Variants in WNT7B observed in about 807,000 individuals in gnomAD.
WNT7B encodes Wnt family member 7B.
A neutral mutation model predicts 38.2 loss-of-function variants in WNT7B; 19 were observed. The ratio of observed to expected loss-of-function variants is 0.50; its 90% confidence interval spans 0.35 to 0.73. The LOEUF (loss-of-function observed/expected upper bound fraction) is 0.73. Ranked by LOEUF, WNT7B falls within the 30% of genes least tolerant of loss-of-function variation. The pLI is 0.01. For synonymous variants in WNT7B, 243 were observed against 209.3 expected, an observed-to-expected ratio of 1.16 and a Z score of -1.39; for missense variants, 423 against 507.9, an observed-to-expected ratio of 0.83 and a Z score of 1.61.
intron 1 of WNT7B, among the ~76,000 whole-genome samples, chr22:45,957,704 A>AAAAAAAC (rs1932103724): frequency 1.4e-5 from 2 of 147,758 alleles, no homozygotes; most frequent in Admixed American, 6.7e-5. Flanking sequence ...AAAAAAAAAA[A>AAAAAAAC]AAAAAAAACA....
intron 1 of WNT7B, among the ~76,000 whole-genome samples, chr22:45,959,219 G>C (rs540718509): frequency 7.3e-4 from 111 of 152,354 alleles, no homozygotes; most frequent in African/African-American, 1.9e-3. Flanking sequence ...ACCCTCAGCA[G>C]GGCTGGGGCT....
At chr22:45,935,451 G>T (rs535529174) in intron 2 of WNT7B, among the ~76,000 whole-genome samples, 2 of 152,302 alleles carry the variant, frequency 1.3e-5, no homozygotes, top group South Asian at 4.1e-4. Flanking sequence ...GCTTCCTGCC[G>T]CCTGCCCTGG....
chr22:45,929,324 G>A (rs1326705758), intron 3 of WNT7B, among the ~76,000 whole-genome samples: 1 of 152,008 alleles, frequency 6.6e-6, no homozygotes, highest in East Asian at 1.9e-4. Flanking sequence ...TGAGTTCCTT[G>A]GAGGCAAAGC....
chr22:45,936,209 T>G (rs1931511064), intron 2 of WNT7B: 1 of 978,072 alleles, frequency 1.0e-6, no homozygotes, highest in Non-Finnish European at 1.2e-6. Context: ...ACCAGCCCTC[T>G]CTGAGCCTGT....
intron 2 of WNT7B, among the ~76,000 whole-genome samples, chr22:45,948,827 CTTTTTTTTTTTTTTTTTT>C (rs749735538): frequency 0.074 from 6,698 of 90,566 alleles, 624 homozygotes; most frequent in African/African-American, 0.24. Flanking sequence ...CCAAAGATCC[CTTTTTTTTTTTTTTTTTT>C]TTTTTTTTTT....
chr22:45,934,233 G>A (rs1458682511), intron 2 of WNT7B, among the ~76,000 whole-genome samples: 1 of 152,172 alleles, frequency 6.6e-6, no homozygotes, highest in Admixed American at 6.5e-5. Flanking sequence ...TGGGGTCGGG[G>A]GCCCTGGAAG....
At chr22:45,953,298 G>A (rs1931981343) in intron 1 of WNT7B, among the ~76,000 whole-genome samples, 1 of 150,200 alleles carries the variant, frequency 6.7e-6, no homozygotes, top group African/African-American at 2.5e-5. Flanking sequence ...TCCTCTCACA[G>A]TCACCACGTC....
intron 1 of WNT7B, among the ~76,000 whole-genome samples, chr22:45,953,360 C>T (rs1931983395): frequency 1.3e-5 from 2 of 152,218 alleles, no homozygotes; most frequent in South Asian, 4.1e-4. Flanking sequence ...CCCTCACAGC[C>T]ACCGTGTCCA....
intron 1 of WNT7B, among the ~76,000 whole-genome samples, chr22:45,961,400 C>T (rs1932193964): frequency 2.0e-5 from 3 of 152,188 alleles, no homozygotes; most frequent in Non-Finnish European, 1.5e-5. Flanking sequence ...GAGGGACAGG[C>T]CCAAAGCGCT....
chr22:45,927,539 C>G (rs201238058), intron 3 of WNT7B: 5 of 1,492,938 alleles, frequency 3.3e-6, no homozygotes, highest in Admixed American at 3.9e-5. Context: ...AAGGAAACAA[C>G]GGAGAGGAGG....
intron 2 of WNT7B, among the ~76,000 whole-genome samples, chr22:45,942,736 C>T (rs575279317): frequency 4.7e-4 from 71 of 152,316 alleles, no homozygotes; most frequent in African/African-American, 1.5e-3. Flanking sequence ...GGGCTCAGGA[C>T]GGGTAGGAAC....
intron 2 of WNT7B, among the ~76,000 whole-genome samples, chr22:45,938,608 G>A (rs566906966): frequency 8.6e-5 from 13 of 151,824 alleles, no homozygotes; most frequent in African/African-American, 2.2e-4. Flanking sequence ...ACTGCACTCC[G>A]GCCTGGGCAA....
At chr22:45,930,124 T>C (rs1319660513) in intron 3 of WNT7B, among the ~76,000 whole-genome samples, 1 of 152,204 alleles carries the variant, frequency 6.6e-6, no homozygotes, top group African/African-American at 2.4e-5. Context: ...TCTGACACTC[T>C]CCTACACAAC....
chr22:45,970,157 G>T (rs1258306619), intron 1 of WNT7B, among the ~76,000 whole-genome samples: 4 of 152,194 alleles, frequency 2.6e-5, no homozygotes, highest in Non-Finnish European at 4.4e-5. Context: ...GTTCCTCTCC[G>T]CTTGGGGAAG....
chr22:45,958,483 G>T (rs1012454152), intron 1 of WNT7B, among the ~76,000 whole-genome samples: 4 of 152,204 alleles, frequency 2.6e-5, no homozygotes, highest in African/African-American at 9.7e-5. Flanking sequence ...TGCTGTCGGG[G>T]TCTTCAGTGG....
At chr22:45,964,450 C>T (rs1932268318) in intron 1 of WNT7B, among the ~76,000 whole-genome samples, 1 of 152,148 alleles carries the variant, frequency 6.6e-6, no homozygotes, top group African/African-American at 2.4e-5. Flanking sequence ...AGTCATGGGG[C>T]ACACAGGAGG....
At chr22:45,932,496 G>C (rs1244350239) in intron 2 of WNT7B, among the ~76,000 whole-genome samples, 1 of 151,716 alleles carries the variant, frequency 6.6e-6, no homozygotes, top group Non-Finnish European at 1.5e-5. Context: ...CCTCTCCCTG[G>C]TGAGCCCTAC....
Position 45,976,676 on chromosome 22 carries a change from G to A in WNT7B, c.71+8C>T, listed in dbSNP as rs941807904. The A allele has an allele frequency of 3.7e-6, 6 of 1,606,714 alleles. No individual in the cohort carries two copies. The East Asian group carries it at 1.1e-4, about 30-fold the overall frequency. On this transcript the variant is annotated splice_region_variant and intron_variant, in intron 1 of 3. Transcript: ENST00000339464. This position sits in a 1 kb window ranked among gnomAD's most constrained non-coding sequence, Gnocchi z 8.5. ...CCTGGCTGCTGCCCTCGCCCACGGG[G>A]TACTCACCCGAGCTTCACGTACAGG...
chr22:45,925,987 C>CCTGTCTCCCGG (rs1181678341), intron 3 of WNT7B: 1 of 985,316 alleles, frequency 1.0e-6, no homozygotes, highest in African/African-American at 1.7e-5. Flanking sequence ...CTCCCCTGTC[C>CCTGTCTCCCGG]CTGTCTCCCG....
Sources: allele counts gnomAD v4.1 joint callset (sites outside exome capture counted in the v4.1 genomes callset), GRCh38; gene constraint gnomAD v4.1.1; non-coding constraint Gnocchi (gnomAD v3.1); transcripts MANE v1.5; gene names NCBI Gene and HGNC (gene_info 2026-07-23, HGNC 2026-07-21).